Variants in BAZ1B observed in about 807,000 individuals in gnomAD.
The protein encoded by BAZ1B is bromodomain adjacent to zinc finger domain 1B, also known as tyrosine-protein kinase BAZ1B.
BAZ1B carries 22 observed loss-of-function variants against 153.8 expected under a neutral mutation model. The ratio of observed to expected loss-of-function variants is 0.14; its 90% confidence interval spans 0.10 to 0.20. BAZ1B has a LOEUF of 0.20. BAZ1B is among the 10% of genes least tolerant of loss of function. The probability of loss-of-function intolerance (pLI) is 1.00; values close to 1 mark genes in which losing one functional copy is unlikely to be tolerated. For synonymous variants in BAZ1B, 676 were observed against 633.4 expected (o/e 1.07, Z -1.01); for missense variants, 1,325 against 1,799.3 (o/e 0.74, Z 4.77).
In BAZ1B at chr7:73,450,552, T is replaced by G. The variant is rs1434219268; in HGVS notation, c.3580+295A>C. ...CTGAGCCAATCAAAGGATTTAAAAC[T>G]AAACTAACTAAAATAGTTACAAGGA... On this transcript the variant is annotated intron_variant, in intron 14 of 19. Coordinates refer to ENST00000339594, the MANE Select transcript of BAZ1B (RefSeq NM_032408.4). This position sits in a 1 kb window ranked among gnomAD's most constrained non-coding sequence, Gnocchi z 4.1. Among the ~76,000 whole-genome samples the G allele has an allele frequency of 1.2e-4, 18 of 152,156 alleles. No homozygotes were observed. The highest frequency in any genetic ancestry group is 4.3e-4 in the African/African-American group (18 of 41,434).
chr7:73,506,213 A>G (rs1375944576), intron 3 of BAZ1B, among the ~76,000 whole-genome samples: 2 of 152,122 alleles, frequency 1.3e-5, no homozygotes, highest in South Asian at 2.1e-4. Flanking sequence ...TAAAAAACAA[A>G]TAAGGCCGGG....
rs782322534 is a variant in BAZ1B, at chr7:73,489,380, G to A, written c.705C>T (p.Asn235=). ...TACGAATCAAGCTGTCTGCTGGCACGTTACTGATGATCTAGGTTAAAAAGA... is the reference window on the plus strand; with the variant it reads ...TACGAATCAAGCTGTCTGCTGGCACATTACTGATGATCTAGGTTAAAAAGA... ...KLQNEDKIIS[N]VPADSLIRTE... Residue 235 remains asparagine, a synonymous_variant, in exon 6 of 20, where the codon AAC becomes AAT. Transcript: ENST00000339594. The A allele has an allele frequency of 6.2e-6, 10 of 1,614,106 alleles. No homozygotes were observed. Among genetic ancestry groups the A allele is most frequent in the African/African-American group, 5.3e-5 (4 of 75,032 alleles).
intron 6 of BAZ1B, among the ~76,000 whole-genome samples, chr7:73,479,818 T>A (rs1417840597): frequency 1.3e-5 from 2 of 152,060 alleles, no homozygotes; most frequent in Non-Finnish European, 2.9e-5. Context: ...CTCACTCTAT[T>A]TACTCCTGCC....
At chr7:73,469,788 T>A in intron 8 of BAZ1B, 138 bp from the exon 9 acceptor site, 2 of 968,842 alleles carry the variant, frequency 2.1e-6, no homozygotes, top group Non-Finnish European at 3.0e-6. Flanking sequence ...TTCAGAACTC[T>A]AGACAGATAA....
In BAZ1B at chr7:73,489,099, A is replaced by G; in HGVS notation, c.891+95T>C. 3.1e-6 allele frequency: 4 copies of G among 1,275,918 alleles called. No individual in the cohort carries two copies. The East Asian group carries it at 9.9e-5, about 31-fold the overall frequency. 79.0% of individuals were successfully genotyped at this position (1,275,918 alleles called of 1,614,324 possible). A position where few individuals can be genotyped will look rare whatever the true frequency, so the allele number is the denominator to read the frequency against. On this transcript the variant is annotated intron_variant, in intron 6 of 19. Coordinates refer to ENST00000339594, the MANE Select transcript of BAZ1B (RefSeq NM_032408.4). ...AATTTTTAATTCATTATCTGATGTT[A>G]GAGTTCAAAACCTGCTATAAATATA...
At chr7:73,441,852 A>G in intron 19 of BAZ1B, 159 bp from the exon 20 acceptor site, 1 of 331,074 alleles carries the variant, frequency 3.0e-6, no homozygotes, top group East Asian at 5.4e-5. Context: ...TGGAGACCAG[A>G]GGGGCTTGGC....
Position 73,499,905 on chromosome 7 carries a change from CTA to C in BAZ1B, c.370-1209_370-1208del, listed in dbSNP as rs1442234710. 3.3e-5 allele frequency among the ~76,000 whole-genome samples: 5 copies of C among 152,096 alleles called. No individual in the cohort carries two copies. In the South Asian group the frequency reaches 1.0e-3, roughly 32 times the overall value. On this transcript the variant is annotated intron_variant, in intron 3 of 19. Coordinates refer to ENST00000339594, the MANE Select transcript of BAZ1B (RefSeq NM_032408.4). ...ATTTTTCCATTCTTTCACTTTTATT[CTA>C]TGTGTTTCTCTCTTATACACAGCAA...
At chr7:73,460,693 G>A (rs544605631) in intron 12 of BAZ1B, among the ~76,000 whole-genome samples, 12 of 152,194 alleles carry the variant, frequency 7.9e-5, no homozygotes, top group East Asian at 3.9e-4. Context: ...ACTATGTTGC[G>A]CAGGCTGGTC....
At chr7:73,459,969 C>A (rs946754157) in intron 12 of BAZ1B, among the ~76,000 whole-genome samples, 1 of 151,958 alleles carries the variant, frequency 6.6e-6, no homozygotes, top group Non-Finnish European at 1.5e-5. Context: ...CCAAGGCGGG[C>A]GAATCACCTG....
chr7:73,497,951 T>G (rs1370208997), intron 4 of BAZ1B, among the ~76,000 whole-genome samples: 1 of 149,708 alleles, frequency 6.7e-6, no homozygotes, highest in Non-Finnish European at 1.5e-5. Context: ...TGTGTTTTGT[T>G]TTTTTTTTTT....
At chr7:73,509,472 C>T (rs782103747) in intron 2 of BAZ1B, among the ~76,000 whole-genome samples, 1 of 152,054 alleles carries the variant, frequency 6.6e-6, no homozygotes, top group African/African-American at 2.4e-5. Flanking sequence ...TGGGTCCCAG[C>T]ACTTTGAAAG....
chr7:73,498,122 G>A (rs1048606031), intron 4 of BAZ1B, among the ~76,000 whole-genome samples: 1 of 152,026 alleles, frequency 6.6e-6, no homozygotes, highest in South Asian at 2.1e-4. Context: ...ACCACAAGCC[G>A]CTAATTTTTG....
chr7:73,448,919 T>G (rs13231516), intron 15 of BAZ1B, among the ~76,000 whole-genome samples: 14,067 of 152,014 alleles, frequency 0.093, 784 homozygotes, highest in Middle Eastern at 0.13. Flanking sequence ...GTTGCAATAG[T>G]TGGGTGGATA....
At chr7:73,509,068 T>C (rs1228427223) in intron 2 of BAZ1B, among the ~76,000 whole-genome samples, 1 of 149,624 alleles carries the variant, frequency 6.7e-6, no homozygotes, top group African/African-American at 2.5e-5. Context: ...ACACCTGTAA[T>C]CCTAGCACTT....
At chr7:73,468,273 A>G (rs1788668941) in intron 9 of BAZ1B, among the ~76,000 whole-genome samples, 1 of 152,184 alleles carries the variant, frequency 6.6e-6, no homozygotes, top group African/African-American at 2.4e-5. Context: ...GCTGCCTGCC[A>G]CATGTATCTG....
At position 73,450,013 on chromosome 7, in the gene BAZ1B, C is replaced by T. The variant is rs1368891996; in HGVS notation, c.3581-324G>A. Reference sequence around the variant, plus strand: ...TTGCTGCTTTTTCGACCTCCCCAAACGTTTCTCAACTTATGCCTGATGAGT... The same window carrying T: ...TTGCTGCTTTTTCGACCTCCCCAAATGTTTCTCAACTTATGCCTGATGAGT... On this transcript the variant is annotated intron_variant, in intron 14 of 19. Coordinates refer to ENST00000339594, the MANE Select transcript of BAZ1B (RefSeq NM_032408.4). The surrounding 1 kb of genome is among the most constrained non-coding windows in gnomAD (Gnocchi z 4.1). Among the ~76,000 whole-genome samples, 8 of 151,964 alleles carry T rather than the reference C, an allele frequency of 5.3e-5. No homozygotes were observed. Among genetic ancestry groups the T allele is most frequent in the African/African-American group, 1.7e-4 (7 of 41,372 alleles).
Position 73,476,970 on chromosome 7 carries a change from C to T in BAZ1B, c.2491G>A (p.Val831Ile), listed in dbSNP as rs1231989893. ...KKEIVKFEPQ[V>I]DTEAEDMISA... Reference sequence around the variant, plus strand: ...ATCATGTCTTCAGCTTCTGTATCTACTTGGGGCTCAAACTTCACAATTTCT... The same window carrying T: ...ATCATGTCTTCAGCTTCTGTATCTATTTGGGGCTCAAACTTCACAATTTCT... Residue 831 changes from valine to isoleucine, a missense_variant, in exon 7 of 20, where the codon GTA becomes ATA. Physicochemically the swap from Val to Ile is conservative, Grantham distance 29. Around this residue, in one of 9 missense-constraint regions of BAZ1B, gnomAD observed 431 missense variants for 563.5 expected, o/e 0.76. Transcript: ENST00000339594. The T allele has an allele frequency of 1.2e-6, 2 of 1,614,078 alleles. No individual in the cohort carries two copies. Among genetic ancestry groups the T allele is most frequent in the Non-Finnish European group, 1.7e-6 (2 of 1,180,046 alleles).
chr7:73,462,881 T>C (rs781843009), intron 12 of BAZ1B, 41 bp downstream of exon 12: 7 of 1,597,896 alleles, frequency 4.4e-6, no homozygotes, highest in Middle Eastern at 1.7e-4. Flanking sequence ...TCAGATTGAG[T>C]TGCCATGAGT....
intron 5 of BAZ1B, among the ~76,000 whole-genome samples, chr7:73,490,627 T>TG (rs1471498167): frequency 7.9e-5 from 12 of 151,448 alleles, no homozygotes; most frequent in Admixed American, 5.3e-4. Context: ...TTTTTTGAGA[T>TG]GGAGTTTCAC....
Sources: allele counts gnomAD v4.1 joint callset (sites outside exome capture counted in the v4.1 genomes callset), GRCh38; gene constraint gnomAD v4.1.1; regional missense constraint gnomAD v4.1.1; non-coding constraint Gnocchi (gnomAD v3.1); transcripts MANE v1.5; gene names NCBI Gene and HGNC (gene_info 2026-07-23, HGNC 2026-07-21).